Variants in SEMA3D observed in about 807,000 individuals in gnomAD.
SEMA3D encodes semaphorin 3D, also known as semaphorin-3D.
SEMA3D carries 84 observed loss-of-function variants against 100.1 expected under a neutral mutation model. The ratio of observed to expected loss-of-function variants is 0.84; its 90% CI spans 0.70 to 1.01. The LOEUF (loss-of-function observed/expected upper bound fraction) is 1.01, where lower values mean the gene tolerates loss of function less well. Among genes scored for constraint, SEMA3D ranks in the 50% least tolerant of loss-of-function variants. The probability of loss-of-function intolerance (pLI) is 0.00; values close to 1 mark genes in which losing one functional copy is unlikely to be tolerated. For synonymous variants in SEMA3D, 312 were observed against 320.7 expected (o/e 0.97, Z 0.29); for missense variants, 875 against 934.1 (o/e 0.94, Z 0.82).
chr7:85,237,917 C>A, the SEMA3D span, among the ~76,000 whole-genome samples: 1 of 152,204 alleles, frequency 6.6e-6, no homozygotes, highest in South Asian at 2.1e-4. Flanking sequence ...GTTCCACATC[C>A]TCACCACCAT....
At chr7:85,234,533 C>A in the SEMA3D span, among the ~76,000 whole-genome samples, 1 of 152,128 alleles carries the variant, frequency 6.6e-6, no homozygotes, top group Non-Finnish European at 1.5e-5. Context: ...AACATCTGAG[C>A]CATCTCCACT....
At chr7:85,062,388 T>C (rs1791502416) in intron 8 of SEMA3D, among the ~76,000 whole-genome samples, 1 of 152,176 alleles carries the variant, frequency 6.6e-6, no homozygotes, top group Admixed American at 6.5e-5. Flanking sequence ...TGAAGACCTA[T>C]AGGAAAATGG....
chr7:85,248,839 G>C, the SEMA3D span, among the ~76,000 whole-genome samples: 1 of 152,110 alleles, frequency 6.6e-6, no homozygotes, highest in East Asian at 1.9e-4. Flanking sequence ...GGTTATAGAT[G>C]AATAGGCAGG....
chr7:85,232,654 G>C, the SEMA3D span, among the ~76,000 whole-genome samples: 1 of 152,014 alleles, frequency 6.6e-6, no homozygotes, highest in African/African-American at 2.4e-5. Context: ...TTTTTCAGGG[G>C]ATCCTGAAAG....
intron 3 of SEMA3D, among the ~76,000 whole-genome samples, chr7:85,108,102 A>G (rs1230919927): frequency 2.0e-5 from 3 of 152,018 alleles, no homozygotes; most frequent in Admixed American, 1.3e-4. Flanking sequence ...TAATTTTAAA[A>G]TTTTGGTTTT....
chr7:85,059,533 C>A (rs1390306827), intron 8 of SEMA3D, among the ~76,000 whole-genome samples: 1 of 152,056 alleles, frequency 6.6e-6, no homozygotes, highest in Admixed American at 6.5e-5. Context: ...TTTCAGTGTC[C>A]TGTCAAACCT....
At chr7:85,223,636 TG>T in the SEMA3D span, among the ~76,000 whole-genome samples, 1 of 151,980 alleles carries the variant, frequency 6.6e-6, no homozygotes, top group Non-Finnish European at 1.5e-5. Flanking sequence ...GACTTGGAGA[TG>T]GTTATTCTAA....
At position 85,037,021 on chromosome 7, in the gene SEMA3D, T is replaced by G. The variant is rs746408759; in HGVS notation, c.1059A>C (p.Lys353Asn). Residue 353 changes from lysine (K) to asparagine (N), a missense_variant, in exon 12 of 19, where the codon AAA (lysine) becomes AAC (asparagine). Lys to Asn is a moderately conservative substitution (Grantham distance 94). Coordinates refer to ENST00000284136, the MANE Select transcript of SEMA3D (RefSeq NM_001384900.1). Reference protein sequence around the residue: ...GVFTTTSSIFKGSAVCVYSMA... With the variant: ...GVFTTTSSIFNGSAVCVYSMA... ...TGCTATACACACAAACAGCAGAGCC[T>G]TTGAAGATGGAGCTGGAAAAAAAAA... The G allele has an allele frequency of 1.7e-5, 27 of 1,610,988 alleles. No individual in the cohort carries two copies. The highest frequency in any genetic ancestry group is 2.3e-5 in the Non-Finnish European group (27 of 1,179,012).
intron 4 of SEMA3D, among the ~76,000 whole-genome samples, chr7:85,086,539 A>G (rs1317602036): frequency 2.0e-5 from 3 of 151,998 alleles, no homozygotes; most frequent in Non-Finnish European, 4.4e-5. Context: ...TAATCTTTAT[A>G]TAATGCGATA....
chr7:85,065,636 A>G, intron 7 of SEMA3D, 84 bp from the exon 8 acceptor site: 1 of 987,156 alleles, frequency 1.0e-6, no homozygotes, highest in East Asian at 2.5e-5. Context: ...ACAGCATGAC[A>G]CCAAAGATGT....
At chr7:85,053,532 T>A (rs1489310070) in intron 9 of SEMA3D, among the ~76,000 whole-genome samples, 1 of 152,042 alleles carries the variant, frequency 6.6e-6, no homozygotes, top group Non-Finnish European at 1.5e-5. Flanking sequence ...GTAGGCCATC[T>A]TGTCATATTT....
chr7:85,168,899 A>C (rs1240815385), intron 1 of SEMA3D, among the ~76,000 whole-genome samples: 1 of 150,772 alleles, frequency 6.6e-6, no homozygotes, highest in African/African-American at 2.4e-5. Flanking sequence ...AGAAAAAGAG[A>C]AACAAGGAGG....
intron 3 of SEMA3D, among the ~76,000 whole-genome samples, chr7:85,106,063 A>G (rs1183583985): frequency 6.6e-6 from 1 of 152,116 alleles, no homozygotes; most frequent in Admixed American, 6.6e-5. Context: ...AATTTTCAAA[A>G]GCTTTGCTGG....
chr7:85,108,971 T>G (rs1204157189), intron 3 of SEMA3D, among the ~76,000 whole-genome samples: 2 of 151,936 alleles, frequency 1.3e-5, no homozygotes, highest in South Asian at 2.1e-4. Flanking sequence ...GAGGACGCAT[T>G]GTAGACTTTC....
intron 2 of SEMA3D, among the ~76,000 whole-genome samples, chr7:85,145,050 C>G (rs547710758): frequency 6.6e-6 from 1 of 152,180 alleles, no homozygotes; most frequent in Non-Finnish European, 1.5e-5. Flanking sequence ...AGGAATGTTT[C>G]AAGGGCTCTG....
intron 12 of SEMA3D, among the ~76,000 whole-genome samples, chr7:85,023,213 A>C (rs1790303326): frequency 6.6e-6 from 1 of 151,934 alleles, no homozygotes; most frequent in Non-Finnish European, 1.5e-5. Context: ...CTTCTTTCTA[A>C]AATTGCCTTA....
intron 5 of SEMA3D, among the ~76,000 whole-genome samples, chr7:85,080,150 GTTTGT>G (rs1788010590): frequency 6.6e-6 from 1 of 152,064 alleles, no homozygotes; most frequent in Non-Finnish European, 1.5e-5. Flanking sequence ...GTCACTACAA[GTTTGT>G]TTTGTTTCAT....
At chr7:85,100,692 T>C (rs1351460993) in intron 3 of SEMA3D, among the ~76,000 whole-genome samples, 1 of 151,956 alleles carries the variant, frequency 6.6e-6, no homozygotes, top group East Asian at 1.9e-4. Flanking sequence ...TGGCCATATA[T>C]TCCGTCTATC....
At chr7:85,092,902 T>C (rs1303529270) in intron 4 of SEMA3D, among the ~76,000 whole-genome samples, 1 of 152,028 alleles carries the variant, frequency 6.6e-6, no homozygotes, top group Non-Finnish European at 1.5e-5. Context: ...AAATAATTAT[T>C]TATGAGGATT....
Sources: gnomAD v4.1 joint callset for allele counts (sites outside exome capture counted in the v4.1 genomes callset) on GRCh38, gnomAD v4.1.1 for gene constraint, MANE v1.5 for transcripts, NCBI Gene and HGNC (gene_info 2026-07-23, HGNC 2026-07-21) for gene names.